The following SMC6 variants were observed in gnomAD, a reference collection of about 807,000 sequenced individuals.
The protein encoded by SMC6 is structural maintenance of chromosomes protein 6.
A neutral mutation model predicts 142.2 loss-of-function variants in SMC6; 79 were observed. The observed-to-expected ratio is 0.56, with a 90% CI of 0.46 to 0.67. SMC6 has a LOEUF of 0.67. Ranked by LOEUF, SMC6 falls within the 30% of genes least tolerant of loss-of-function variation. The probability of loss-of-function intolerance (pLI) is 0.00; values close to 1 mark genes in which losing one functional copy is unlikely to be tolerated. For missense variants in SMC6, 1,072 were observed against 1,284.0 expected, an observed-to-expected ratio of 0.83 and a Z score of 2.52; for synonymous variants, 411 against 412.4, an observed-to-expected ratio of 1.00 and a Z score of 0.04.
At chr2:17,685,585 C>T (rs1288298512) in intron 23 of SMC6, among the ~76,000 whole-genome samples, 1 of 151,924 alleles carries the variant, frequency 6.6e-6, no homozygotes, top group Non-Finnish European at 1.5e-5. Context: ...ATTCCTCACA[C>T]CATACATAAA....
At position 17,736,049 on chromosome 2, in the gene SMC6, T is replaced by C. The variant is rs187570973; in HGVS notation, c.344+2172A>G. ...TAGAGTAAGAGCAGAACTAAAAACCTCAACAAGCTGATTCTGCAAAAAAGT... is the reference window on the plus strand; with the variant it reads ...TAGAGTAAGAGCAGAACTAAAAACCCCAACAAGCTGATTCTGCAAAAAAGT... On this transcript the variant is annotated intron_variant, in intron 5 of 27. Transcript: ENST00000448223. Among the ~76,000 whole-genome samples the C allele has an allele frequency of 2.0e-4, 30 of 152,186 alleles. No individual in the cohort carries two copies. The East Asian group carries it at 5.2e-3, about 26-fold the overall frequency.
In SMC6 at chr2:17,670,595, C is replaced by G; in HGVS notation, c.2911-20G>C. On this transcript the variant is annotated intron_variant, in intron 25 of 27. Transcript: ENST00000448223. Reference sequence around the variant, plus strand: ...CTGAACCTTGAAGAGAATGAGTTGACAAGGAACAAAAAACTAAGTAAATGA... The same window carrying G: ...CTGAACCTTGAAGAGAATGAGTTGAGAAGGAACAAAAAACTAAGTAAATGA... 3 of 1,497,476 alleles carry G rather than the reference C, an allele frequency of 2.0e-6. No individual in the cohort carries two copies. Among genetic ancestry groups the G allele is most frequent in the Non-Finnish European group, 2.7e-6 (3 of 1,130,082 alleles). 92.8% of individuals were successfully genotyped at this position (1,497,476 alleles called of 1,614,324 possible).
chr2:17,743,544 T>C (rs971864897), intron 3 of SMC6, among the ~76,000 whole-genome samples: 10 of 152,274 alleles, frequency 6.6e-5, no homozygotes, highest in African/African-American at 2.4e-4. Flanking sequence ...CAACATCCAC[T>C]ATCAGCGTGG....
At chr2:17,743,826 A>G (rs1212568601) in intron 3 of SMC6, among the ~76,000 whole-genome samples, 1 of 152,164 alleles carries the variant, frequency 6.6e-6, no homozygotes, top group Non-Finnish European at 1.5e-5. Context: ...AACGTCATAT[A>G]GTTGGAATCA....
At chr2:17,718,262 C>A in intron 11 of SMC6, 39 bp from the exon 12 acceptor site, 1 of 1,435,910 alleles carries the variant, frequency 7.0e-7, no homozygotes, top group Non-Finnish European at 9.4e-7. Flanking sequence ...ATTTTTTCTT[C>A]AATAGAGAGA....
At chr2:17,687,362 T>G (rs1272267656) in intron 23 of SMC6, among the ~76,000 whole-genome samples, 1 of 152,154 alleles carries the variant, frequency 6.6e-6, no homozygotes, top group Non-Finnish European at 1.5e-5. Context: ...ACAGAATGAC[T>G]GAATAAACTA....
chr2:17,720,623 C>T (rs1466758811), intron 11 of SMC6, among the ~76,000 whole-genome samples: 1 of 152,164 alleles, frequency 6.6e-6, no homozygotes, highest in Non-Finnish European at 1.5e-5. Context: ...TGTGTTTCAA[C>T]TCCTTAATGA....
chr2:17,711,932 T>C (rs921078150), intron 16 of SMC6, among the ~76,000 whole-genome samples: 1 of 152,176 alleles, frequency 6.6e-6, no homozygotes, highest in South Asian at 2.1e-4. Flanking sequence ...ATTTGGTGTA[T>C]TTTTAATTTC....
Position 17,695,242 on chromosome 2 carries a change from G to C in SMC6, c.2588C>G (p.Ser863Cys), listed in dbSNP as rs765363492. Residue 863 changes from serine (S) to cysteine (C), a missense_variant, in exon 23 of 28, where the codon TCT (serine) becomes TGT (cysteine). By Grantham distance (112) the Ser-to-Cys change is moderately radical (BLOSUM62 -1). Transcript: ENST00000448223. ...AATTTCTTTGTCCAGAATTGATGCA[G>C]ATTTTTCTACTTCTATACGCTCTGG... ...ICPERIEVEK[S>C]ASILDKEINR... 11 of 1,613,424 alleles carry C rather than the reference G, an allele frequency of 6.8e-6. No individual in the cohort carries two copies. Among genetic ancestry groups the C allele is most frequent in the Non-Finnish European group, 9.3e-6 (11 of 1,179,798 alleles).
chr2:17,699,635 CA>C, intron 21 of SMC6, among the ~76,000 whole-genome samples: 1 of 152,192 alleles, frequency 6.6e-6, no homozygotes, highest in South Asian at 2.1e-4. Context: ...TTGTTTGTTT[CA>C]GTCTATTTGT....
chr2:17,741,827 A>G, intron 3 of SMC6, 98 bp from the exon 4 acceptor site: 3 of 693,082 alleles, frequency 4.3e-6, no homozygotes, highest in South Asian at 5.1e-5. Context: ...ACCATCACCA[A>G]TGAAAAAATT....
rs745624947 is a variant in SMC6, at chr2:17,714,909, G to A, written c.1682C>T (p.Pro561Leu). 1.7e-5 allele frequency: 28 copies of A among 1,613,214 alleles called. No individual in the cohort carries two copies. Among genetic ancestry groups the A allele is most frequent in the Non-Finnish European group, 2.3e-5 (27 of 1,179,772 alleles). The stretch of plus-strand genomic sequence containing the variant: ...ATTCCGAAACTCAGAAACTATTATC[G>A]GTGGCCGTGAGGTCCCTGGTAAATA... The part of the protein sequence containing the change: ...RFYLPGTSRP[P>L]IIVSEFRNEI... Residue 561 changes from proline (P) to leucine (L), a missense_variant, in exon 16 of 28, where the codon CCG becomes CTG. Physicochemically the swap from Pro to Leu is moderately conservative, Grantham distance 98. Coordinates refer to ENST00000448223, the MANE Select transcript of SMC6 (RefSeq NM_001142286.2).
At position 17,665,569 on chromosome 2, in the gene SMC6, T is replaced by A. The variant is rs1666457306; in HGVS notation, c.3206A>T (p.Asp1069Val). Residue 1069 changes from aspartate to valine, a missense_variant, in exon 28 of 28, where the codon GAT (aspartate) becomes GTT (valine). Asp to Val is a radical substitution (Grantham distance 152). Transcript: ENST00000448223. ...CAATGTAGTTTGTCCTCTTTCAGGA[T>A]CAGACATTCGGAGAATTCTTATCAG... ...SKLIRILRMS[D>V]PERGQTTLPF... The A allele has an allele frequency of 6.2e-7, 1 of 1,611,288 alleles. No homozygotes were observed. The highest frequency in any genetic ancestry group is 1.7e-5 in the Admixed American group (1 of 59,770).
chr2:17,730,567 T>C (rs1223664411), intron 7 of SMC6, among the ~76,000 whole-genome samples: 1 of 151,938 alleles, frequency 6.6e-6, no homozygotes, highest in Non-Finnish European at 1.5e-5. Context: ...AGGTGTTATA[T>C]TATGTATTGA....
At chr2:17,682,752 G>GC (rs1322398256) in intron 24 of SMC6, among the ~76,000 whole-genome samples, 1 of 151,878 alleles carries the variant, frequency 6.6e-6, no homozygotes, top group East Asian at 1.9e-4. Flanking sequence ...ATCTAACAAG[G>GC]CTAAAAGTAG....
chr2:17,677,614 A>G (rs10445840), intron 25 of SMC6, among the ~76,000 whole-genome samples: 27 of 152,180 alleles, frequency 1.8e-4, no homozygotes, highest in Non-Finnish European at 3.4e-4. Context: ...ATGTCTTTAA[A>G]AATAAAAGTT....
At chr2:17,708,329 T>C (rs951718158) in intron 17 of SMC6, among the ~76,000 whole-genome samples, 1 of 151,750 alleles carries the variant, frequency 6.6e-6, no homozygotes, top group African/African-American at 2.4e-5. Flanking sequence ...TAAGGGCAAA[T>C]AAAAAATAAA....
chr2:17,679,109 G>A (rs1377786616), intron 24 of SMC6, 145 bp from the exon 25 acceptor site: 3 of 544,564 alleles, frequency 5.5e-6, no homozygotes, highest in African/African-American at 3.9e-5. Context: ...TTGAGTTTTA[G>A]GTAGTATTTT....
intron 14 of SMC6, 105 bp from the exon 15 acceptor site, chr2:17,716,369 AC>A (rs1353028687): frequency 4.0e-6 from 4 of 997,904 alleles, no homozygotes; most frequent in East Asian, 5.5e-5. Flanking sequence ...CCAGCTAGCT[AC>A]CCTAAAAACC....
Sources: gnomAD v4.1 joint callset for allele counts (sites outside exome capture counted in the v4.1 genomes callset) on GRCh38, gnomAD v4.1.1 for gene constraint, MANE v1.5 for transcripts, NCBI Gene and HGNC (gene_info 2026-07-23, HGNC 2026-07-21) for gene names.